Variants in MCF2L2 observed in about 807,000 individuals in gnomAD.
MCF2L2 encodes the protein probable guanine nucleotide exchange factor MCF2L2.
Under a neutral mutation model 150.2 loss-of-function variants are expected in MCF2L2, and 102 were observed. The ratio of observed to expected loss-of-function variants is 0.68; its 90% CI spans 0.58 to 0.80. MCF2L2 has a LOEUF of 0.80. MCF2L2 is among the 30% of genes least tolerant of loss of function. The pLI is 0.00. For synonymous variants in MCF2L2, 465 were observed against 491.3 expected (o/e 0.95, Z 0.71); for missense variants, 1,256 against 1,372.8 (o/e 0.91, Z 1.34).
In MCF2L2 at chr3:183,275,608, G is replaced by T. The variant is rs995630492; in HGVS notation, c.1862+1264C>A. Among the ~76,000 whole-genome samples, 9 of 151,914 alleles carry T rather than the reference G, an allele frequency of 5.9e-5. No individual in the cohort carries two copies. In the East Asian group the frequency reaches 1.7e-3, roughly 29 times the overall value. ...TTTGGCAGTCTGCCATACGTTTTTT[G>T]TTTTTTTTCTTCCTCTTTGAGACAG... On this transcript the variant is annotated intron_variant, in intron 15 of 29. Transcript: ENST00000328913.
intron 1 of MCF2L2, among the ~76,000 whole-genome samples, chr3:183,415,261 A>G (rs1715529459): frequency 6.6e-6 from 1 of 151,282 alleles, no homozygotes; most frequent in Non-Finnish European, 1.5e-5. Flanking sequence ...CTCTCTGCTC[A>G]CTGCAATCTT....
At chr3:183,330,689 T>C (rs531119056) in intron 5 of MCF2L2, among the ~76,000 whole-genome samples, 22 of 152,184 alleles carry the variant, frequency 1.4e-4, no homozygotes, top group Admixed American at 7.8e-4. Flanking sequence ...TTTCCCCACA[T>C]TTTTTTTCTT....
chr3:183,253,946 G>T (rs554035402), intron 15 of MCF2L2: 86 of 152,228 alleles, frequency 5.6e-4, no homozygotes, highest in African/African-American at 1.9e-3. Context: ...AGTTCTGGCC[G>T]CTCGGCGGGA....
chr3:183,407,099 T>A (rs1488988550), intron 1 of MCF2L2, among the ~76,000 whole-genome samples: 1 of 152,212 alleles, frequency 6.6e-6, no homozygotes, highest in African/African-American at 2.4e-5. Flanking sequence ...CCAGCACCAT[T>A]TGTTGAAATT....
chr3:183,294,633 AT>A (rs754395602), intron 13 of MCF2L2, among the ~76,000 whole-genome samples: 167 of 129,850 alleles, frequency 1.3e-3, no homozygotes, highest in Middle Eastern at 4.1e-3. Context: ...ATATATATAT[AT>A]TTTTTTTTTT....
intron 15 of MCF2L2, chr3:183,269,574 A>G (rs1392332814): frequency 1.5e-5 from 7 of 457,622 alleles, no homozygotes; most frequent in Non-Finnish European, 2.3e-5. Flanking sequence ...GTGTGGAAGA[A>G]TTTTGACGTG....
chr3:183,353,476 T>C (rs1711590795), intron 3 of MCF2L2, among the ~76,000 whole-genome samples: 2 of 152,180 alleles, frequency 1.3e-5, no homozygotes, highest in African/African-American at 2.4e-5. Flanking sequence ...AAAAGAGTTT[T>C]AATTGGTTCA....
chr3:183,352,241 A>C (rs991851730), intron 3 of MCF2L2, among the ~76,000 whole-genome samples: 11 of 152,138 alleles, frequency 7.2e-5, no homozygotes, highest in Non-Finnish European at 1.0e-4. Flanking sequence ...CTAAAGGTGA[A>C]GCCGGGCGTG....
At chr3:183,185,018 G>A (rs899783001) in intron 27 of MCF2L2, among the ~76,000 whole-genome samples, 2 of 151,904 alleles carry the variant, frequency 1.3e-5, no homozygotes, top group Non-Finnish European at 2.9e-5. Context: ...CCGGGTTCAA[G>A]TGATTCTCCT....
At position 183,428,266 on chromosome 3, in the gene MCF2L2, C is replaced by T. The variant is rs544429319; in HGVS notation, c.-289G>A. ...AAGCAAGTCGCCAATCTCGCCGGAACCGCGCCCCGGCTCCTCCGGCCGGGC... is the reference window on the plus strand; with the variant it reads ...AAGCAAGTCGCCAATCTCGCCGGAATCGCGCCCCGGCTCCTCCGGCCGGGC... On this transcript the variant is annotated 5_prime_UTR_variant, in exon 1 of 30. Transcript: ENST00000328913. This position sits in a 1 kb window ranked among gnomAD's most constrained non-coding sequence, Gnocchi z 5.1. 1,477 of 372,840 alleles carry T rather than the reference C, an allele frequency of 4.0e-3. 16 individuals are homozygous for T. The highest frequency in any genetic ancestry group is 0.016 in the South Asian group (497 of 31,410). 23.1% of individuals were successfully genotyped at this position (372,840 alleles called of 1,614,324 possible).
At chr3:183,253,102 GAACA>G (rs1261687425) in intron 15 of MCF2L2, 1 of 152,138 alleles carries the variant, frequency 6.6e-6, no homozygotes, top group Non-Finnish European at 1.5e-5. Context: ...CTACAGACAA[GAACA>G]AACTGGGGCG....
intron 1 of MCF2L2, among the ~76,000 whole-genome samples, chr3:183,390,522 A>G (rs907014480): frequency 5.9e-5 from 9 of 152,134 alleles, no homozygotes; most frequent in African/African-American, 2.2e-4. Flanking sequence ...AATTAGAGAG[A>G]GGGGAGGACC....
At chr3:183,361,605 T>C (rs1237702131) in intron 3 of MCF2L2, among the ~76,000 whole-genome samples, 1 of 152,264 alleles carries the variant, frequency 6.6e-6, no homozygotes, top group Non-Finnish European at 1.5e-5. Context: ...CTCCCAGCCA[T>C]GCTTCCTGTA....
intron 3 of MCF2L2, among the ~76,000 whole-genome samples, chr3:183,343,648 C>T (rs1055529980): frequency 2.0e-5 from 3 of 152,062 alleles, no homozygotes; most frequent in African/African-American, 7.2e-5. Flanking sequence ...GGATTACAGG[C>T]GTGAGCCACC....
intron 1 of MCF2L2, among the ~76,000 whole-genome samples, chr3:183,413,057 A>C (rs1715403806): frequency 6.6e-6 from 1 of 152,166 alleles, no homozygotes; most frequent in Admixed American, 6.5e-5. Context: ...CCAACCTTAC[A>C]TTCCTAGGAA....
rs756640415 is a variant in MCF2L2, at chr3:183,179,578, T to C, written c.3220A>G (p.Thr1074Ala). The change falls in exon 29 of 30, where the codon ACG becomes GCG. Residue 1074 changes from threonine (T) to alanine (A), a missense_variant and splice_region_variant. By Grantham distance (58) the Thr-to-Ala change is moderately conservative. Transcript: ENST00000328913. The surrounding 1 kb of genome is among the most constrained non-coding windows in gnomAD (Gnocchi z 4.2). ...GEKEERDEEE[T>A]ATRSTEEERA... is the part of the protein sequence containing the mutation. The stretch of plus-strand genomic sequence containing the variant: ...TAGTCTTTCCTCGCTCACACTCACG[T>C]TTCCTCCTCATCGCGTTCTTCTTTT... The C allele has an allele frequency of 2.4e-5, 38 of 1,614,012 alleles. No homozygotes were observed. The highest frequency in any genetic ancestry group is 3.1e-5 in the Non-Finnish European group (36 of 1,179,972).
intron 1 of MCF2L2, among the ~76,000 whole-genome samples, chr3:183,413,105 T>C (rs535958702): frequency 6.6e-5 from 10 of 152,338 alleles, no homozygotes; most frequent in African/African-American, 1.4e-4. Flanking sequence ...CTTTTTTGTA[T>C]GTTGCTGGAT....
intron 1 of MCF2L2, chr3:183,400,361 C>T (rs1441067283): frequency 2.2e-6 from 1 of 446,246 alleles, no homozygotes; most frequent in Non-Finnish European, 4.5e-6. Context: ...CTTTTTTTGC[C>T]ATATATTCCA....
At chr3:183,399,633 A>G (rs1175213737) in intron 1 of MCF2L2, among the ~76,000 whole-genome samples, 1 of 152,246 alleles carries the variant, frequency 6.6e-6, no homozygotes, top group African/African-American at 2.4e-5. Context: ...TGAGACCATC[A>G]GTCTGTTATC....
Sources: gnomAD v4.1 joint callset for allele counts (sites outside exome capture counted in the v4.1 genomes callset) on GRCh38, gnomAD v4.1.1 for gene constraint, Gnocchi (gnomAD v3.1) non-coding constraint, MANE v1.5 for transcripts, NCBI Gene and HGNC (gene_info 2026-07-23, HGNC 2026-07-21) for gene names.